The following CDH1 variants were observed in gnomAD, a reference collection of about 807,000 sequenced individuals.
The protein encoded by CDH1 is cadherin 1.
CDH1 carries 35 observed loss-of-function variants against 84.5 expected under a neutral mutation model. The observed-to-expected ratio is 0.41, with a 90% CI of 0.32 to 0.55. The LOEUF is 0.55. Ranked by LOEUF, CDH1 falls within the 20% of genes least tolerant of loss-of-function variation. The pLI is 0.19. For synonymous variants in CDH1, 417 were observed against 439.0 expected (o/e 0.95, Z 0.63); for missense variants, 994 against 1,126.6 (o/e 0.88, Z 1.68).
At chr16:68,778,572 T>C (rs1327731944) in intron 2 of CDH1, among the ~76,000 whole-genome samples, 1 of 152,106 alleles carries the variant, frequency 6.6e-6, no homozygotes, top group Non-Finnish European at 1.5e-5. Flanking sequence ...GAAACAGAAA[T>C]GCTTCTGGGA....
chr16:68,816,656 C>T (rs913523033), intron 10 of CDH1, among the ~76,000 whole-genome samples: 3 of 152,122 alleles, frequency 2.0e-5, no homozygotes, highest in South Asian at 2.1e-4. Context: ...GGCTGAGGCA[C>T]GAGAATCACT....
intron 11 of CDH1, among the ~76,000 whole-genome samples, chr16:68,821,227 C>G (rs1207826439): frequency 2.0e-5 from 3 of 152,098 alleles, no homozygotes; most frequent in African/African-American, 7.2e-5. Context: ...AATCCCAACA[C>G]TTTCAGAGGC....
intron 2 of CDH1, among the ~76,000 whole-genome samples, chr16:68,782,521 G>A (rs952125341): frequency 4.6e-5 from 7 of 152,200 alleles, no homozygotes; most frequent in African/African-American, 1.7e-4. Context: ...GCTAGTCAGA[G>A]GCACAGTTTG....
intron 10 of CDH1, among the ~76,000 whole-genome samples, chr16:68,818,250 AAAAAG>A (rs1316925059): frequency 1.3e-5 from 2 of 151,592 alleles, no homozygotes; most frequent in Non-Finnish European, 2.9e-5. Flanking sequence ...AAAAAAAAAA[AAAAAG>A]AAAAGAAAAA....
rs1057521024 is a variant in CDH1 at position 68,811,664 on chromosome 16, A to T, written c.833-20A>T. ...CAAAGTGCAGCTTGTCTAAACCTTC[A>T]TCTCCTTGAACTCTTCCAGGAACCT... On this transcript the variant is annotated intron_variant, in intron 6 of 15. Coordinates refer to ENST00000261769, the MANE Select transcript of CDH1 (RefSeq NM_004360.5). 6.2e-7 allele frequency: 1 copy of T among 1,612,670 alleles called. No homozygotes were observed. The highest frequency in any genetic ancestry group is 8.5e-7 in the Non-Finnish European group (1 of 1,179,122).
chr16:68,808,638 G>C (rs2152129964), intron 4 of CDH1, 55 bp from the exon 5 acceptor site: 1 of 1,613,232 alleles, frequency 6.2e-7, no homozygotes, highest in South Asian at 1.1e-5. Flanking sequence ...AAAGGGAAAA[G>C]ACCCAGTGTT....
intron 2 of CDH1, among the ~76,000 whole-genome samples, chr16:68,764,763 C>A (rs147254962): frequency 5.9e-4 from 90 of 152,294 alleles, no homozygotes; most frequent in African/African-American, 1.7e-3. Flanking sequence ...GGAGAGGAGA[C>A]CTTAGGTGGC....
intron 2 of CDH1, among the ~76,000 whole-genome samples, chr16:68,758,525 C>T (rs562002125): frequency 6.6e-6 from 1 of 152,028 alleles, no homozygotes; most frequent in Non-Finnish European, 1.5e-5. Context: ...AGTTTCGAGG[C>T]TGCAGTGCAT....
rs1555515290 is a variant in CDH1, at chr16:68,808,834, A to T, written c.673A>T (p.Ile225Phe). 4 of 1,614,078 alleles carry T rather than the reference A, an allele frequency of 2.5e-6. No individual in the cohort carries two copies. The highest frequency in any genetic ancestry group is 3.4e-6 in the Non-Finnish European group (4 of 1,179,978). Residue 225 changes from isoleucine (I) to phenylalanine (F), a missense_variant, in exon 5 of 16, where the codon ATT becomes TTT. Physicochemically the swap from Ile to Phe is conservative, Grantham distance 21 (BLOSUM62 0). Coordinates refer to ENST00000261769, the MANE Select transcript of CDH1 (RefSeq NM_004360.5). ...KVTEPLDRER[I>F]ATYTLFSHAV... ...GACAGAGCCTCTGGATAGAGAACGC[A>T]TTGCCACATACACTGTAAGTATCTC...
chr16:68,788,117 G>A (rs34927202), intron 2 of CDH1, among the ~76,000 whole-genome samples: 8,058 of 152,114 alleles, frequency 0.053, 286 homozygotes, highest in Middle Eastern at 0.082. Context: ...GTGAGCCACC[G>A]CACCCAGCCT....
At chr16:68,767,231 G>A (rs1959417969) in intron 2 of CDH1, among the ~76,000 whole-genome samples, 1 of 151,148 alleles carries the variant, frequency 6.6e-6, no homozygotes, top group South Asian at 2.1e-4. Context: ...GTCTCGCTCT[G>A]TTGGCCAGGC....
chr16:68,812,315 A>G (rs2152132797), intron 8 of CDH1, 52 bp downstream of exon 8: 1 of 1,594,480 alleles, frequency 6.3e-7, no homozygotes, highest in Non-Finnish European at 8.6e-7. Context: ...TTTGTTGTTC[A>G]TGAACTAAGT....
At chr16:68,760,751 C>T (rs1016524944) in intron 2 of CDH1, among the ~76,000 whole-genome samples, 1 of 152,114 alleles carries the variant, frequency 6.6e-6, no homozygotes, top group Non-Finnish European at 1.5e-5. Flanking sequence ...GATGCCAAGT[C>T]GTCAGACAAT....
At chr16:68,777,999 T>C (rs1282266971) in intron 2 of CDH1, among the ~76,000 whole-genome samples, 4 of 152,008 alleles carry the variant, frequency 2.6e-5, no homozygotes, top group African/African-American at 9.7e-5. Context: ...TCCAAAGTGC[T>C]AGGATTACAG....
intron 2 of CDH1, among the ~76,000 whole-genome samples, chr16:68,760,829 G>C (rs1451019005): frequency 6.6e-6 from 1 of 152,146 alleles, no homozygotes; most frequent in Non-Finnish European, 1.5e-5. Flanking sequence ...CTTCCCCAGA[G>C]TGGGGAGGCC....
Position 68,829,749 on chromosome 16 carries a change from T to A in CDH1, c.2391T>A (p.Tyr797Ter). 6.2e-7 allele frequency: 1 copy of A among 1,614,130 alleles called. No homozygotes were observed. The highest frequency in any genetic ancestry group is 8.5e-7 in the Non-Finnish European group (1 of 1,180,002). The part of the protein sequence containing the change: ...VAPTLMSVPR[Y>*]LPRPANPDEI... ...CAACCCTCATGAGTGTCCCCCGGTATCTTCCCCGCCCTGCCAATCCCGATG... is the reference window on the plus strand; with the variant it reads ...CAACCCTCATGAGTGTCCCCCGGTAACTTCCCCGCCCTGCCAATCCCGATG... The change falls in exon 15 of 16, where the codon TAT (tyrosine) becomes TAA (stop). Residue 797 changes from tyrosine (Y) to a stop codon, truncating the protein, a stop_gained. Coordinates refer to ENST00000261769, the MANE Select transcript of CDH1 (RefSeq NM_004360.5). LOFTEE classifies it high-confidence loss of function.
At chr16:68,748,952 G>T (rs1962818648) in intron 2 of CDH1, among the ~76,000 whole-genome samples, 3 of 152,202 alleles carry the variant, frequency 2.0e-5, no homozygotes, top group African/African-American at 7.2e-5. Context: ...CGATTCTCCT[G>T]CCTCACCCTC....
chr16:68,747,395 G>C (rs1222762677), intron 2 of CDH1, among the ~76,000 whole-genome samples: 1 of 152,162 alleles, frequency 6.6e-6, no homozygotes, highest in Non-Finnish European at 1.5e-5. Context: ...GTGGGTCATG[G>C]AGGGTTTTCT....
intron 2 of CDH1, among the ~76,000 whole-genome samples, chr16:68,769,516 C>T (rs1232320972): frequency 6.6e-6 from 1 of 151,688 alleles, no homozygotes; most frequent in Non-Finnish European, 1.5e-5. Flanking sequence ...ACTATGTTGC[C>T]CAGGCTGGTC....
Sources: gnomAD v4.1 joint callset for allele counts (sites outside exome capture counted in the v4.1 genomes callset) on GRCh38, gnomAD v4.1.1 for gene constraint, MANE v1.5 for transcripts, NCBI Gene and HGNC (gene_info 2026-07-23, HGNC 2026-07-21) for gene names.